Variants in SLC14A2 observed in about 807,000 individuals in gnomAD.
The protein encoded by SLC14A2 is solute carrier family 14 member 2.
SLC14A2 carries 91 observed loss-of-function variants against 104.6 expected under a neutral mutation model. The ratio of observed to expected loss-of-function variants is 0.87; its 90% CI spans 0.73 to 1.04. SLC14A2 has a LOEUF of 1.04. SLC14A2 is among the 50% of genes least tolerant of loss of function. The pLI is 0.00. For synonymous variants in SLC14A2, 476 were observed against 466.4 expected (o/e 1.02, Z -0.27); for missense variants, 1,189 against 1,156.0 (o/e 1.03, Z -0.41).
intron 2 of SLC14A2, among the ~76,000 whole-genome samples, chr18:45,590,706 C>T (rs907382833): frequency 6.6e-6 from 1 of 152,356 alleles, no homozygotes; most frequent in African/African-American, 2.4e-5. Context: ...AGGAATGTCA[C>T]ACCCTGCAGT....
intron 1 of SLC14A2, among the ~76,000 whole-genome samples, chr18:45,304,046 T>C (rs1168824045): frequency 1.3e-5 from 2 of 152,224 alleles, no homozygotes; most frequent in Admixed American, 6.5e-5. Context: ...AGGGTTTATA[T>C]TATTTTTCTA....
At chr18:45,541,815 T>G (rs1328775328) in intron 2 of SLC14A2, among the ~76,000 whole-genome samples, 5 of 152,140 alleles carry the variant, frequency 3.3e-5, no homozygotes, top group African/African-American at 4.8e-5. Context: ...TGGCTGGGGC[T>G]TCATGAGATA....
chr18:45,432,580 A>T (rs1406905882), intron 1 of SLC14A2, among the ~76,000 whole-genome samples: 1 of 152,152 alleles, frequency 6.6e-6, no homozygotes, highest in Non-Finnish European at 1.5e-5. Context: ...GCCCAAGAGA[A>T]GTCACCAACT....
intron 2 of SLC14A2, among the ~76,000 whole-genome samples, chr18:45,567,955 G>T (rs1463221193): frequency 6.6e-6 from 1 of 152,188 alleles, no homozygotes; most frequent in Non-Finnish European, 1.5e-5. Flanking sequence ...GTCAGGGGAG[G>T]TGTCACAGGC....
chr18:45,574,732 G>A (rs147728293), intron 2 of SLC14A2, among the ~76,000 whole-genome samples: 103 of 152,286 alleles, frequency 6.8e-4, no homozygotes, highest in African/African-American at 2.3e-3. Context: ...TTCATCAACC[G>A]AAAAGCAAAG....
chr18:45,559,749 C>T (rs557405914), intron 2 of SLC14A2, among the ~76,000 whole-genome samples: 1 of 152,344 alleles, frequency 6.6e-6, no homozygotes, highest in African/African-American at 2.4e-5. Context: ...TGGCTAAACT[C>T]AGTAGAGACT....
chr18:45,443,962 A>C (rs1240711780), intron 1 of SLC14A2, among the ~76,000 whole-genome samples: 1 of 152,194 alleles, frequency 6.6e-6, no homozygotes, highest in Non-Finnish European at 1.5e-5. Context: ...AGGTGCAATT[A>C]GCAGTACAAA....
At chr18:45,235,599 T>C (rs2084216949) in intron 1 of SLC14A2, among the ~76,000 whole-genome samples, 1 of 151,906 alleles carries the variant, frequency 6.6e-6, no homozygotes, top group African/African-American at 2.4e-5. Flanking sequence ...TAGCCTCCAG[T>C]AGCTACTATT....
intron 2 of SLC14A2, among the ~76,000 whole-genome samples, chr18:45,584,435 C>A (rs2044540153): frequency 6.6e-6 from 1 of 152,208 alleles, no homozygotes; most frequent in East Asian, 1.9e-4. Flanking sequence ...GGGTTGAAGG[C>A]AGCTAATGAA....
the SLC14A2 span, among the ~76,000 whole-genome samples, chr18:45,193,549 CTCCAT>C: frequency 6.6e-6 from 1 of 152,162 alleles, no homozygotes; most frequent in Non-Finnish European, 1.5e-5. Flanking sequence ...TTTCTGGACT[CTCCAT>C]TCTGTTCATT....
At chr18:45,271,389 T>C (rs1189517864) in intron 1 of SLC14A2, among the ~76,000 whole-genome samples, 2 of 152,102 alleles carry the variant, frequency 1.3e-5, no homozygotes, top group Admixed American at 1.3e-4. Context: ...AATCAGGAAA[T>C]TTATGACTTG....
chr18:45,548,264 C>A (rs1179681099), intron 2 of SLC14A2, among the ~76,000 whole-genome samples: 1 of 152,156 alleles, frequency 6.6e-6, no homozygotes. Context: ...CTGAGGCTAC[C>A]AGAAAGACAC....
At chr18:45,323,161 G>A (rs1378732676) in intron 1 of SLC14A2, among the ~76,000 whole-genome samples, 1 of 152,204 alleles carries the variant, frequency 6.6e-6, no homozygotes, top group Non-Finnish European at 1.5e-5. Flanking sequence ...GGCTCTTGGT[G>A]TGTAAATACT....
At chr18:45,624,069 G>A (rs962933164) in intron 1 of SLC14A2, among the ~76,000 whole-genome samples, 1 of 152,174 alleles carries the variant, frequency 6.6e-6, no homozygotes, top group African/African-American at 2.4e-5. Context: ...AGCTCCTTCA[G>A]CTGGGATGCA....
chr18:45,204,569 C>G, the SLC14A2 span, among the ~76,000 whole-genome samples: 1 of 152,240 alleles, frequency 6.6e-6, no homozygotes, highest in Middle Eastern at 3.4e-3. Context: ...TTATAAATAA[C>G]ACTCTCAAGA....
At chr18:45,496,718 G>T (rs1315136037) in intron 2 of SLC14A2, among the ~76,000 whole-genome samples, 1 of 152,194 alleles carries the variant, frequency 6.6e-6, no homozygotes, top group Non-Finnish European at 1.5e-5. Flanking sequence ...AGGAGGTAGA[G>T]GTTGCAGTGA....
intron 2 of SLC14A2, among the ~76,000 whole-genome samples, chr18:45,497,661 CAAAG>C (rs1276525600): frequency 6.6e-6 from 1 of 152,140 alleles, no homozygotes; most frequent in Non-Finnish European, 1.5e-5. Flanking sequence ...ACATTAGAGA[CAAAG>C]AACAACCAGT....
the SLC14A2 span, among the ~76,000 whole-genome samples, chr18:45,177,847 A>G: frequency 6.6e-6 from 1 of 152,234 alleles, no homozygotes; most frequent in Non-Finnish European, 1.5e-5. Context: ...GAATAAATGG[A>G]TAAATGGAAG....
chr18:45,418,870 A>G (rs1026540519), intron 1 of SLC14A2, among the ~76,000 whole-genome samples: 4 of 152,062 alleles, frequency 2.6e-5, no homozygotes, highest in Admixed American at 1.3e-4. Context: ...CCATTTTGGT[A>G]GTGATTTTGA....
Sources: allele counts gnomAD v4.1 joint callset (sites outside exome capture counted in the v4.1 genomes callset), GRCh38; gene constraint gnomAD v4.1.1; transcripts MANE v1.5; gene names NCBI Gene and HGNC (gene_info 2026-07-23, HGNC 2026-07-21).